Variants in LTBP1 observed in about 807,000 individuals in gnomAD.
LTBP1 encodes latent transforming growth factor beta binding protein 1, also known as latent-transforming growth factor beta-binding protein 1.
Under a neutral mutation model 207.6 loss-of-function variants are expected in LTBP1, and 129 were observed. The observed-to-expected ratio is 0.62, with a 90% CI of 0.54 to 0.72. The LOEUF (loss-of-function observed/expected upper bound fraction) is 0.72. Ranked by LOEUF, LTBP1 falls within the 30% of genes least tolerant of loss-of-function variation. The pLI is 0.00. For missense variants in LTBP1, 2,281 were observed against 2,217.2 expected (o/e 1.03, Z -0.58); for synonymous variants, 963 against 833.7 (o/e 1.16, Z -2.67).
chr2:33,062,012 A>G (rs2077291538), intron 3 of LTBP1, among the ~76,000 whole-genome samples: 1 of 152,124 alleles, frequency 6.6e-6, no homozygotes, highest in African/African-American at 2.4e-5. Flanking sequence ...TTCTGAGTGT[A>G]TAGTGGTATC....
At chr2:33,056,492 C>T (rs757443954) in intron 3 of LTBP1, 140 of 776,216 alleles carry the variant, frequency 1.8e-4, no homozygotes, top group Admixed American at 1.1e-3. Flanking sequence ...GGATGATGCG[C>T]GTCTTCTTCT....
chr2:33,169,906 G>C (rs1312532936), intron 5 of LTBP1, among the ~76,000 whole-genome samples: 6 of 152,170 alleles, frequency 3.9e-5, no homozygotes, highest in Non-Finnish European at 7.4e-5. Flanking sequence ...GTAAAGACAT[G>C]CAAAATCAGC....
chr2:33,379,556 C>T (rs1242965906), intron 31 of LTBP1, among the ~76,000 whole-genome samples: 1 of 152,186 alleles, frequency 6.6e-6, no homozygotes, highest in South Asian at 2.1e-4. Context: ...TGAGCCCCTT[C>T]CAAAGAAATC....
At chr2:33,257,568 A>G (rs2092899098) in intron 12 of LTBP1, 57 bp downstream of exon 12, 13 of 1,428,206 alleles carry the variant, frequency 9.1e-6, no homozygotes, top group Non-Finnish European at 1.2e-5. Context: ...CTTTGCTTTG[A>G]TTTCCCTGTT....
intron 3 of LTBP1, among the ~76,000 whole-genome samples, chr2:33,091,733 G>A (rs989558162): frequency 6.6e-6 from 1 of 152,206 alleles, no homozygotes; most frequent in African/African-American, 2.4e-5. Context: ...AGGAAGTTCT[G>A]TGTTCTCAGA....
At chr2:32,971,837 T>A (rs537837550) in intron 2 of LTBP1, among the ~76,000 whole-genome samples, 1 of 152,246 alleles carries the variant, frequency 6.6e-6, no homozygotes, top group African/African-American at 2.4e-5. Context: ...AGGGAGGAGT[T>A]CCTTCTCAAT....
chr2:33,203,497 G>A (rs756849031), intron 7 of LTBP1, among the ~76,000 whole-genome samples: 1 of 152,148 alleles, frequency 6.6e-6, no homozygotes, highest in Non-Finnish European at 1.5e-5. Flanking sequence ...CCAGTATCTG[G>A]TCTTTACCCA....
Position 33,397,363 on chromosome 2 carries a change from G to C in LTBP1, c.4984+81G>C, listed in dbSNP as rs979820912. On this transcript the variant is annotated intron_variant, in intron 33 of 33. Coordinates refer to ENST00000404816, the MANE Select transcript of LTBP1 (RefSeq NM_206943.4). ...CAGTCAGTAGAGAACATTTAAGATA[G>C]ATTTGCTGAGTTTCAGTTTGAGAAG... The C allele has an allele frequency of 4.6e-6, 7 of 1,518,964 alleles. No individual in the cohort carries two copies. The African/African-American group carries it at 9.6e-5, about 21-fold the overall frequency. 94.1% of individuals were successfully genotyped at this position (1,518,964 alleles called of 1,614,324 possible). A position where few individuals can be genotyped will look rare whatever the true frequency, so the allele number is the denominator to read the frequency against.
At position 33,263,311 on chromosome 2, in the gene LTBP1, TCACCTCCTGTGC is replaced by T; in HGVS notation, c.2538_2549del (p.Pro847_Pro850del). ...TCATATAGTAGTGATTGAAAAAACA[TCACCTCCTGTGC>T]CTGTTGAAGTAGCTCCTGAAGCTTC... On this transcript the variant is annotated inframe_deletion, in exon 15 of 34. Transcript: ENST00000404816. 6.2e-7 allele frequency: 1 copy of T among 1,613,154 alleles called. No homozygotes were observed. Among genetic ancestry groups the T allele is most frequent in the Admixed American group, 1.7e-5 (1 of 60,002 alleles).
intron 4 of LTBP1, among the ~76,000 whole-genome samples, chr2:33,121,159 C>CTTTTTTT (rs61065486): frequency 4.2e-3 from 369 of 87,398 alleles, no homozygotes; most frequent in Non-Finnish European, 5.4e-3. Context: ...TTTGTAAAGT[C>CTTTTTTT]TTTTTTTTTT....
At chr2:32,969,842 C>T (rs956593040) in intron 2 of LTBP1, among the ~76,000 whole-genome samples, 3 of 152,134 alleles carry the variant, frequency 2.0e-5, no homozygotes, top group African/African-American at 4.8e-5. Context: ...TTTGAGAGAT[C>T]GCCAACTGAT....
intron 3 of LTBP1, among the ~76,000 whole-genome samples, chr2:33,033,600 G>A (rs2149338770): frequency 6.6e-6 from 1 of 150,568 alleles, no homozygotes; most frequent in South Asian, 2.1e-4. Flanking sequence ...GACTATGGTG[G>A]GGGAAAAAAG....
At chr2:33,130,367 G>A (rs1403101062) in intron 4 of LTBP1, among the ~76,000 whole-genome samples, 3 of 152,090 alleles carry the variant, frequency 2.0e-5, no homozygotes, top group African/African-American at 4.8e-5. Flanking sequence ...GTGCTGTTGC[G>A]GCATTCTGGA....
At chr2:33,022,265 C>CTTTTTTTTTTTTTTTTTTT (rs3047211) in intron 3 of LTBP1, among the ~76,000 whole-genome samples, 1 of 125,236 alleles carries the variant, frequency 8.0e-6, no homozygotes. Flanking sequence ...CCTCAATCCT[C>CTTTTTTTTTTTTTTTTTTT]TTTTTTTTTT....
At chr2:33,016,341 A>G (rs1160002508) in intron 2 of LTBP1, among the ~76,000 whole-genome samples, 1 of 152,176 alleles carries the variant, frequency 6.6e-6, no homozygotes, top group Non-Finnish European at 1.5e-5. Context: ...TTTGAATGAA[A>G]GGGAAAAAAA....
intron 5 of LTBP1, 89 bp from the exon 6 acceptor site, chr2:33,186,767 G>T: frequency 1.1e-6 from 1 of 945,012 alleles, no homozygotes; most frequent in East Asian, 2.5e-5. Context: ...CCTATAATGG[G>T]CTGTATGTTT....
At chr2:32,953,406 T>C (rs1351516181) in intron 2 of LTBP1, among the ~76,000 whole-genome samples, 1 of 152,210 alleles carries the variant, frequency 6.6e-6, no homozygotes, top group Non-Finnish European at 1.5e-5. Context: ...CCAATAGATC[T>C]GCAGTGAGGT....
chr2:33,384,168 A>G (rs940379734), intron 31 of LTBP1, among the ~76,000 whole-genome samples: 1 of 152,120 alleles, frequency 6.6e-6, no homozygotes, highest in Non-Finnish European at 1.5e-5. Flanking sequence ...GGGGCCCCAC[A>G]CCCACAGGCT....
chr2:32,979,058 T>C (rs1293452670), intron 2 of LTBP1, among the ~76,000 whole-genome samples: 1 of 151,916 alleles, frequency 6.6e-6, no homozygotes, highest in East Asian at 1.9e-4. Flanking sequence ...GTTTTTTTCA[T>C]CTTTGATTTT....
Sources: gnomAD v4.1 joint callset for allele counts (sites outside exome capture counted in the v4.1 genomes callset) on GRCh38, gnomAD v4.1.1 for gene constraint, MANE v1.5 for transcripts, NCBI Gene and HGNC (gene_info 2026-07-23, HGNC 2026-07-21) for gene names.